RABGAP1L: variants seen among roughly 807,000 people sequenced by gnomAD.
RABGAP1L encodes the protein rab GTPase-activating protein 1-like.
In RABGAP1L, 63 loss-of-function variants were observed where a neutral mutation model predicts 137.7. The ratio of observed to expected loss-of-function variants is 0.46; its 90% CI spans 0.37 to 0.56. The LOEUF (loss-of-function observed/expected upper bound fraction) is 0.56, where lower values mean the gene tolerates loss of function less well. Ranked by LOEUF, RABGAP1L falls within the 20% of genes least tolerant of loss-of-function variation. The probability of loss-of-function intolerance (pLI) is 0.00; values close to 1 mark genes in which losing one functional copy is unlikely to be tolerated. For synonymous variants in RABGAP1L, 431 were observed against 433.7 expected (o/e 0.99, Z 0.08); for missense variants, 1,095 against 1,244.0 (o/e 0.88, Z 1.80).
rs563758528 is a variant in RABGAP1L, at chr1:174,539,272, ATTTCTTTTT to A, written c.1711-98090_1711-98082del. Among the ~76,000 whole-genome samples, 13 of 151,174 alleles carry A rather than the reference ATTTCTTTTT, an allele frequency of 8.6e-5. No homozygotes were observed. In the South Asian group the frequency reaches 2.5e-3, roughly 29 times the overall value. ...GTTTTATTTTTGATTTATTTTTTTC[ATTTCTTTTT>A]TTTCTTTTTTTTATTATTTTCTTTA... On this transcript the variant is annotated intron_variant, in intron 13 of 25. Transcript: ENST00000681986.
At chr1:174,348,961 A>G (rs1484544995) in intron 11 of RABGAP1L, among the ~76,000 whole-genome samples, 6 of 151,926 alleles carry the variant, frequency 3.9e-5, no homozygotes, top group African/African-American at 1.2e-4. Context: ...CCCGTTCTCA[A>G]TGAGCTGTTG....
At chr1:174,263,681 A>G (rs1673788460) in intron 7 of RABGAP1L, among the ~76,000 whole-genome samples, 1 of 151,530 alleles carries the variant, frequency 6.6e-6, no homozygotes, top group Non-Finnish European at 1.5e-5. Context: ...AAAGCAAGAA[A>G]CCCTGCAAAG....
chr1:174,307,157 C>G (rs1436355882), intron 11 of RABGAP1L, among the ~76,000 whole-genome samples: 1 of 152,280 alleles, frequency 6.6e-6, no homozygotes, highest in African/African-American at 2.4e-5. Flanking sequence ...ACTTGCTAAG[C>G]TCACTCAGCT....
At chr1:174,814,273 T>C (rs1690157340) in intron 19 of RABGAP1L, among the ~76,000 whole-genome samples, 1 of 152,180 alleles carries the variant, frequency 6.6e-6, no homozygotes, top group South Asian at 2.1e-4. Context: ...AAGCTTTTAA[T>C]AAGATTTCAA....
chr1:174,484,296 G>A (rs1403130436), intron 13 of RABGAP1L, among the ~76,000 whole-genome samples: 1 of 152,064 alleles, frequency 6.6e-6, no homozygotes, highest in Non-Finnish European at 1.5e-5. Context: ...ATAGATTCTG[G>A]TTATTAATCC....
In RABGAP1L at chr1:174,616,307, T is replaced by A. The variant is rs76631711; in HGVS notation, c.1711-21068T>A. 6.4e-3 allele frequency among the ~76,000 whole-genome samples: 976 copies of A among 152,346 alleles called. 10 individuals are homozygous for A. Among genetic ancestry groups the A allele is most frequent in the Middle Eastern group, 0.01 (3 of 294 alleles). On this transcript the variant is annotated intron_variant, in intron 13 of 25. Transcript: ENST00000681986. ...CATTATCTTTGGTTATGGTACAAATTATTAGCTTTTGCTACTCCTGTTGTC... is the reference window on the plus strand; with the variant it reads ...CATTATCTTTGGTTATGGTACAAATAATTAGCTTTTGCTACTCCTGTTGTC...
intron 13 of RABGAP1L, among the ~76,000 whole-genome samples, chr1:174,559,944 G>A (rs938024300): frequency 1.3e-5 from 2 of 152,106 alleles, no homozygotes; most frequent in Non-Finnish European, 2.9e-5. Context: ...GACCAGCCTG[G>A]CCAACATGGT....
chr1:174,188,890 T>C (rs955767153), intron 1 of RABGAP1L, among the ~76,000 whole-genome samples: 2 of 152,232 alleles, frequency 1.3e-5, no homozygotes, highest in Admixed American at 6.5e-5. Flanking sequence ...GATATGAACA[T>C]TGGCTACAAC....
At chr1:174,737,105 C>T (rs1490566686) in intron 17 of RABGAP1L, among the ~76,000 whole-genome samples, 2 of 152,160 alleles carry the variant, frequency 1.3e-5, no homozygotes, top group Admixed American at 6.5e-5. Flanking sequence ...TTGAATTCCT[C>T]TCCTGTAAAT....
intron 1 of RABGAP1L, among the ~76,000 whole-genome samples, chr1:174,198,685 A>C (rs1667875934): frequency 6.6e-6 from 1 of 152,178 alleles, no homozygotes; most frequent in Admixed American, 6.5e-5. Flanking sequence ...GTATTGGGGA[A>C]TTGAGGTAAA....
intron 19 of RABGAP1L, among the ~76,000 whole-genome samples, chr1:174,912,856 T>G (rs1344558561): frequency 6.6e-6 from 1 of 152,204 alleles, no homozygotes; most frequent in African/African-American, 2.4e-5. Context: ...GTAACCAGAG[T>G]TTAATTATTG....
intron 7 of RABGAP1L, among the ~76,000 whole-genome samples, chr1:174,269,038 G>A (rs532400137): frequency 1.1e-3 from 168 of 152,098 alleles, no homozygotes; most frequent in Admixed American, 2.1e-3. Context: ...TGCCTCCCCG[G>A]TTCACGCCAT....
chr1:174,759,610 A>G (rs948662928), intron 18 of RABGAP1L, among the ~76,000 whole-genome samples: 1 of 151,106 alleles, frequency 6.6e-6, no homozygotes, highest in Non-Finnish European at 1.5e-5. Context: ...AAAAAAAAAG[A>G]AAAAAAATGG....
At chr1:174,196,821 G>C (rs925714137) in intron 1 of RABGAP1L, among the ~76,000 whole-genome samples, 4 of 152,052 alleles carry the variant, frequency 2.6e-5, no homozygotes, top group Non-Finnish European at 2.9e-5. Flanking sequence ...TCATTGTTTA[G>C]GCTAGTATCC....
At chr1:174,671,343 C>G (rs1431464755) in intron 14 of RABGAP1L, among the ~76,000 whole-genome samples, 1 of 152,180 alleles carries the variant, frequency 6.6e-6, no homozygotes, top group Non-Finnish European at 1.5e-5. Context: ...CCAAATTTCT[C>G]TGGCTAAGAC....
At chr1:174,626,760 TAC>T (rs1356237538) in intron 13 of RABGAP1L, among the ~76,000 whole-genome samples, 5 of 152,126 alleles carry the variant, frequency 3.3e-5, no homozygotes, top group Non-Finnish European at 7.3e-5. Context: ...GCAACTAGAG[TAC>T]ACTTTTATAT....
At chr1:174,699,901 A>C (rs1679519220) in intron 16 of RABGAP1L, among the ~76,000 whole-genome samples, 1 of 152,200 alleles carries the variant, frequency 6.6e-6, no homozygotes, top group Non-Finnish European at 1.5e-5. Context: ...GAATCTAATG[A>C]GTTTAATCAT....
In RABGAP1L at chr1:174,250,771, A is replaced by T. The variant is rs1057005367; in HGVS notation, c.875+139A>T. On this transcript the variant is annotated intron_variant, in intron 6 of 25. Transcript: ENST00000681986. The stretch of plus-strand genomic sequence containing the variant: ...TTTGGCTGGTGAATTAATATTTTTT[A>T]TTCTTGTGCTTGTCAGATATTTCTT... 5 of 749,432 alleles carry T rather than the reference A, an allele frequency of 6.7e-6. No homozygotes were observed. The African/African-American group carries it at 9.1e-5, about 14-fold the overall frequency. 46.4% of individuals were successfully genotyped at this position (749,432 alleles called of 1,614,324 possible).
In RABGAP1L at chr1:174,898,503, C is replaced by T. The variant is rs187708660; in HGVS notation, c.2341-58954C>T. Among the ~76,000 whole-genome samples the T allele has an allele frequency of 3.4e-4, 52 of 152,258 alleles. No individual in the cohort carries two copies. The South Asian group carries it at 4.4e-3, about 13-fold the overall frequency. On this transcript the variant is annotated intron_variant, in intron 19 of 25. Transcript: ENST00000681986. ...TTTCTTAGGAAGGTGATAAGTTAGA[C>T]GACAAATCTATAATTAGAGTTTCTT...
Sources: allele counts gnomAD v4.1 joint callset (sites outside exome capture counted in the v4.1 genomes callset), GRCh38; gene constraint gnomAD v4.1.1; transcripts MANE v1.5; gene names NCBI Gene and HGNC (gene_info 2026-07-23, HGNC 2026-07-21).